JAKMIP2: variants seen among roughly 807,000 people sequenced by gnomAD.
JAKMIP2 encodes janus kinase and microtubule-interacting protein 2.
A neutral mutation model predicts 115.0 loss-of-function variants in JAKMIP2; 25 were observed. The observed-to-expected ratio is 0.22, with a 90% CI of 0.16 to 0.30. JAKMIP2 has a LOEUF of 0.30. Among genes scored for constraint, JAKMIP2 ranks in the 10% least tolerant of loss-of-function variants. JAKMIP2 has a pLI of 1.00. For missense variants in JAKMIP2, 642 were observed against 957.6 expected (o/e 0.67, Z 4.35); for synonymous variants, 334 against 343.6 (o/e 0.97, Z 0.31).
chr5:147,709,874 C>T (rs1042253025), intron 1 of JAKMIP2, among the ~76,000 whole-genome samples: 6 of 151,968 alleles, frequency 3.9e-5, no homozygotes, highest in Admixed American at 2.6e-4. Flanking sequence ...AAAAAACAAT[C>T]GTCCTAGTCT....
intron 10 of JAKMIP2, among the ~76,000 whole-genome samples, chr5:147,637,253 A>G (rs1372160266): frequency 6.6e-6 from 1 of 152,070 alleles, no homozygotes; most frequent in African/African-American, 2.4e-5. Flanking sequence ...TTAGCTTGGC[A>G]TTCGAGAACT....
chr5:147,735,886 T>C (rs1434409899), intron 1 of JAKMIP2, among the ~76,000 whole-genome samples: 1 of 152,170 alleles, frequency 6.6e-6, no homozygotes, highest in Non-Finnish European at 1.5e-5. Context: ...CTAGAATGAA[T>C]GCTGGTTTGA....
intron 1 of JAKMIP2, among the ~76,000 whole-genome samples, chr5:147,720,159 G>A (rs1187955447): frequency 6.6e-6 from 1 of 152,158 alleles, no homozygotes; most frequent in African/African-American, 2.4e-5. Context: ...TTGTCTTTAA[G>A]AATGTTGAAT....
chr5:147,646,732 G>C (rs1347139), intron 5 of JAKMIP2, among the ~76,000 whole-genome samples: 1 of 150,862 alleles, frequency 6.6e-6, no homozygotes, highest in African/African-American at 2.4e-5. Flanking sequence ...AAAATCTGAT[G>C]TAGTTCAACT....
chr5:147,623,224 CTTT>C (rs199676287), intron 17 of JAKMIP2, among the ~76,000 whole-genome samples: 3 of 138,720 alleles, frequency 2.2e-5, no homozygotes, highest in Non-Finnish European at 4.7e-5. Flanking sequence ...TTGTTCTACT[CTTT>C]TTTTTTTTTT....
chr5:147,721,002 G>A (rs1454714858), intron 1 of JAKMIP2, among the ~76,000 whole-genome samples: 1 of 151,322 alleles, frequency 6.6e-6, no homozygotes, highest in Admixed American at 6.6e-5. Context: ...GGTCTTTGAT[G>A]ATGGTGATGT....
At chr5:147,637,289 A>G (rs1757658889) in intron 10 of JAKMIP2, among the ~76,000 whole-genome samples, 1 of 151,948 alleles carries the variant, frequency 6.6e-6, no homozygotes, top group Non-Finnish European at 1.5e-5. Flanking sequence ...ATCTTTTCCT[A>G]CTACTCATCA....
At position 147,586,001 on chromosome 5, in the gene JAKMIP2, A is replaced by ATAAAAAAAACC. The variant is rs1360131310; in HGVS notation, c.*5695_*5705dup. 1.3e-5 allele frequency: 2 copies of ATAAAAAAAACC among 151,784 alleles called. No individual in the cohort carries two copies. Among genetic ancestry groups the ATAAAAAAAACC allele is most frequent in the African/African-American group, 4.8e-5 (2 of 41,390 alleles). 9.4% of individuals were successfully genotyped at this position (151,784 alleles called of 1,614,324 possible). ...AAACATCAACCAACCAACCAAACAA[A>ATAAAAAAAACC]TAAAAAAAACCTATTTGCTGGTTTA... On this transcript the variant is annotated 3_prime_UTR_variant, in exon 22 of 22. Transcript: ENST00000616793.
At chr5:147,754,336 CAA>C (rs1397856425) in intron 1 of JAKMIP2, among the ~76,000 whole-genome samples, 1 of 151,984 alleles carries the variant, frequency 6.6e-6, no homozygotes, top group Admixed American at 6.6e-5. Context: ...CCCCAGGATA[CAA>C]AACAAATAAG....
intron 1 of JAKMIP2, among the ~76,000 whole-genome samples, chr5:147,780,369 A>G (rs1046230853): frequency 6.6e-6 from 1 of 151,920 alleles, no homozygotes; most frequent in Non-Finnish European, 1.5e-5. Flanking sequence ...ATGAAAACTC[A>G]AAAAAAAGAA....
intron 1 of JAKMIP2, among the ~76,000 whole-genome samples, chr5:147,686,527 C>T (rs1051820015): frequency 5.9e-5 from 9 of 152,294 alleles, no homozygotes; most frequent in African/African-American, 2.2e-4. Context: ...TGGGCCTGTT[C>T]ACCACTGTAT....
chr5:147,772,799 C>A (rs912655520), intron 1 of JAKMIP2, among the ~76,000 whole-genome samples: 1 of 151,874 alleles, frequency 6.6e-6, no homozygotes, highest in Non-Finnish European at 1.5e-5. Context: ...AATTGAATGG[C>A]TTTGGGTATA....
Position 147,667,844 on chromosome 5 carries a change from G to A in JAKMIP2, c.129+3834C>T, listed in dbSNP as rs1009904318. Among the ~76,000 whole-genome samples the A allele has an allele frequency of 4.6e-5, 7 of 152,162 alleles. No individual in the cohort carries two copies. In the East Asian group the frequency reaches 5.8e-4, roughly 13 times the overall value. On this transcript the variant is annotated intron_variant, in intron 2 of 21. Transcript: ENST00000616793. ...CTGGAGGCTGTGGGGACAGTCACTC[G>A]AGGATAGAAAATGTTGGTTGATTTT... is the stretch of plus-strand genomic sequence containing the variant.
chr5:147,720,414 A>G (rs1376154665), intron 1 of JAKMIP2, among the ~76,000 whole-genome samples: 4 of 148,954 alleles, frequency 2.7e-5, no homozygotes, highest in African/African-American at 9.9e-5. Flanking sequence ...AGATTGGGGA[A>G]GTTCTCCTGG....
At chr5:147,633,951 A>G (rs1460138580) in intron 12 of JAKMIP2, among the ~76,000 whole-genome samples, 2 of 152,050 alleles carry the variant, frequency 1.3e-5, no homozygotes, top group Non-Finnish European at 2.9e-5. Context: ...CGGCCTCCCA[A>G]TGTGCTAGGA....
At chr5:147,658,061 G>T (rs2126771074) in intron 3 of JAKMIP2, among the ~76,000 whole-genome samples, 1 of 152,148 alleles carries the variant, frequency 6.6e-6, no homozygotes, top group Admixed American at 6.5e-5. Context: ...GACAGTTGTT[G>T]TGAACGTTTG....
At chr5:147,746,535 T>C (rs1030852653) in intron 1 of JAKMIP2, among the ~76,000 whole-genome samples, 2 of 151,620 alleles carry the variant, frequency 1.3e-5, no homozygotes, top group Non-Finnish European at 1.5e-5. Context: ...AATATATAAT[T>C]TATAAAATTT....
At chr5:147,715,196 A>G (rs1283525086) in intron 1 of JAKMIP2, among the ~76,000 whole-genome samples, 2 of 152,114 alleles carry the variant, frequency 1.3e-5, no homozygotes, top group African/African-American at 2.4e-5. Context: ...ATGATTAAAA[A>G]ATTTCCTGTC....
chr5:147,673,086 A>G (rs1306571760), intron 1 of JAKMIP2, among the ~76,000 whole-genome samples: 1 of 152,170 alleles, frequency 6.6e-6, no homozygotes, highest in African/African-American at 2.4e-5. Context: ...GAATGAATGC[A>G]AGAAGACCAC....
Sources: gnomAD v4.1 joint callset for allele counts (sites outside exome capture counted in the v4.1 genomes callset) on GRCh38, gnomAD v4.1.1 for gene constraint, MANE v1.5 for transcripts, NCBI Gene and HGNC (gene_info 2026-07-23, HGNC 2026-07-21) for gene names.